The following ITGA1 variants were observed in gnomAD, a reference collection of about 807,000 sequenced individuals.
ITGA1 encodes the protein integrin subunit alpha 1.
A neutral mutation model predicts 145.9 loss-of-function variants in ITGA1; 85 were observed. The ratio of observed to expected loss-of-function variants is 0.58; its 90% CI spans 0.49 to 0.70. ITGA1 has a LOEUF of 0.70. Ranked by LOEUF, ITGA1 falls within the 30% of genes least tolerant of loss-of-function variation. The pLI is 0.00. For synonymous variants in ITGA1, 520 were observed against 495.3 expected, an observed-to-expected ratio of 1.05 and a Z score of -0.66; for missense variants, 1,351 against 1,418.7, an observed-to-expected ratio of 0.95 and a Z score of 0.77.
intron 1 of ITGA1, among the ~76,000 whole-genome samples, chr5:52,825,875 G>A (rs1013435794): frequency 2.0e-5 from 3 of 150,106 alleles, no homozygotes; most frequent in South Asian, 4.2e-4. Flanking sequence ...CTGAGATCAT[G>A]CTACTGCACT....
chr5:52,813,596 C>A (rs1748717136), intron 1 of ITGA1, among the ~76,000 whole-genome samples: 1 of 152,162 alleles, frequency 6.6e-6, no homozygotes, highest in Non-Finnish European at 1.5e-5. Flanking sequence ...ATGGAATAGC[C>A]ACCCCCAGAC....
chr5:52,848,586 T>G (rs561023787), intron 1 of ITGA1, among the ~76,000 whole-genome samples: 1 of 152,192 alleles, frequency 6.6e-6, no homozygotes, highest in Non-Finnish European at 1.5e-5. Flanking sequence ...TATTATTATT[T>G]TTTTATTACA....
chr5:52,955,314 C>G lies in ITGA1; in HGVS notation c.*2863C>G, dbSNP rs912521385. 1.3e-5 allele frequency: 2 copies of G among 151,888 alleles called. No homozygotes were observed. The highest frequency in any genetic ancestry group is 2.4e-5 in the African/African-American group (1 of 41,288). The allele number at this position is 151,888 out of a possible 1,614,324, so 9.4% of individuals were successfully genotyped here. A position where few individuals can be genotyped will look rare whatever the true frequency, so the allele number is the denominator to read the frequency against. ...CTTACCAACCAGTGTGAGCTGACTTCAGCACACCACTGAGACAGATTACAC... is the reference window on the plus strand; with the variant it reads ...CTTACCAACCAGTGTGAGCTGACTTGAGCACACCACTGAGACAGATTACAC... On this transcript the variant is annotated 3_prime_UTR_variant, in exon 29 of 29. Transcript: ENST00000282588.
At chr5:52,889,489 C>A (rs1750109273) in intron 8 of ITGA1, among the ~76,000 whole-genome samples, 1 of 152,202 alleles carries the variant, frequency 6.6e-6, no homozygotes, top group Non-Finnish European at 1.5e-5. Flanking sequence ...TCTTTTCTAA[C>A]TTTCTATAAG....
In ITGA1 at chr5:52,794,098, A is replaced by T. The variant is rs554381691; in HGVS notation, c.61+5684A>T. 2.6e-5 allele frequency among the ~76,000 whole-genome samples: 4 copies of T among 152,132 alleles called. No individual in the cohort carries two copies. The East Asian group carries it at 7.7e-4, about 29-fold the overall frequency. On this transcript the variant is annotated intron_variant, in intron 1 of 28. Transcript: ENST00000282588. ...TGTTAAAAAAAATCAATTTTATCCA[A>T]ACAGGAGATCCCTATTAACAAGATA...
At chr5:52,917,882 C>CT (rs888249147) in intron 15 of ITGA1, among the ~76,000 whole-genome samples, 1 of 152,062 alleles carries the variant, frequency 6.6e-6, no homozygotes, top group Non-Finnish European at 1.5e-5. Flanking sequence ...AGAAAACCAC[C>CT]TTTTTTTAAT....
intron 3 of ITGA1, among the ~76,000 whole-genome samples, chr5:52,863,530 C>A (rs966092124): frequency 6.6e-6 from 1 of 152,118 alleles, no homozygotes; most frequent in African/African-American, 2.4e-5. Flanking sequence ...GCACAAAACT[C>A]ATTTAGTGCC....
chr5:52,827,085 A>G lies in ITGA1; in HGVS notation c.62-22280A>G, dbSNP rs970676316. Among the ~76,000 whole-genome samples the G allele has an allele frequency of 2.1e-5, 3 of 140,884 alleles. No individual in the cohort carries two copies. In the East Asian group the frequency reaches 6.5e-4, roughly 31 times the overall value. 92.4% of individuals were successfully genotyped at this position (140,884 alleles called of 152,430 possible). A position where few individuals can be genotyped will look rare whatever the true frequency, so the allele number is the denominator to read the frequency against. On this transcript the variant is annotated intron_variant, in intron 1 of 28. Coordinates refer to ENST00000282588, the MANE Select transcript of ITGA1 (RefSeq NM_181501.2). ...GGATTTACCATTATAGATGCCATTA[A>G]GAACTTTTTTTTTTTTTTTTTTTTG...
intron 1 of ITGA1, among the ~76,000 whole-genome samples, chr5:52,835,842 A>T (rs1337298698): frequency 6.6e-6 from 1 of 152,222 alleles, no homozygotes; most frequent in Non-Finnish European, 1.5e-5. Flanking sequence ...GTGAGAAATG[A>T]TTGATGTTAG....
chr5:52,847,941 A>G (rs1749364437), intron 1 of ITGA1, among the ~76,000 whole-genome samples: 1 of 152,242 alleles, frequency 6.6e-6, no homozygotes, highest in Admixed American at 6.5e-5. Context: ...ATTTGGCACC[A>G]TCCATTTGAG....
intron 8 of ITGA1, 60 bp from the exon 9 acceptor site, chr5:52,893,615 G>C (rs1310368746): frequency 2.7e-6 from 4 of 1,463,206 alleles, no homozygotes; most frequent in Non-Finnish European, 3.7e-6. Context: ...AAATGCTTGA[G>C]ATCCTTTATT....
chr5:52,953,655 A>C lies in ITGA1; in HGVS notation c.*1204A>C, dbSNP rs1183269270. ...AAACTCAAACCAACAGGAAGATATCACACCTTTGTATGTGCTTCTTTGTTC... is the reference window on the plus strand; with the variant it reads ...AAACTCAAACCAACAGGAAGATATCCCACCTTTGTATGTGCTTCTTTGTTC... On this transcript the variant is annotated 3_prime_UTR_variant, in exon 29 of 29. Transcript: ENST00000282588. 6.6e-6 allele frequency: 1 copy of C among 152,210 alleles called. No homozygotes were observed. Among genetic ancestry groups the C allele is most frequent in the East Asian group, 1.9e-4 (1 of 5,196 alleles). The allele number at this position is 152,210 out of a possible 1,614,324, so 9.4% of individuals were successfully genotyped here.
intron 1 of ITGA1, chr5:52,804,042 T>C (rs2111672034): frequency 6.6e-6 from 1 of 152,294 alleles, no homozygotes; most frequent in East Asian, 1.9e-4. Flanking sequence ...TTTTAAGAAA[T>C]TACATTTTCT....
At chr5:52,943,803 A>G (rs1751087601) in intron 26 of ITGA1, among the ~76,000 whole-genome samples, 1 of 152,178 alleles carries the variant, frequency 6.6e-6, no homozygotes. Context: ...AGTGCCAGCC[A>G]TAGATCTCAG....
chr5:52,801,624 C>T, intron 1 of ITGA1: 2 of 1,612,674 alleles, frequency 1.2e-6, no homozygotes, highest in Non-Finnish European at 1.7e-6. Context: ...TGCTCATCAG[C>T]GATGAGCTCT....
intron 13 of ITGA1, 143 bp downstream of exon 13, chr5:52,909,184 G>GT: frequency 4.0e-6 from 3 of 757,780 alleles, no homozygotes; most frequent in Non-Finnish European, 2.1e-6. Flanking sequence ...CAACCCCTCA[G>GT]TTTTGAAATG....
chr5:52,905,652 A>C, intron 11 of ITGA1, 111 bp from the exon 12 acceptor site: 2 of 910,380 alleles, frequency 2.2e-6, no homozygotes, highest in Admixed American at 2.8e-5. Context: ...TATTATTTTC[A>C]AAATATAACC....
intron 28 of ITGA1, among the ~76,000 whole-genome samples, chr5:52,952,204 GA>G (rs11420959): frequency 2.7e-5 from 4 of 147,694 alleles, no homozygotes; most frequent in Non-Finnish European, 4.5e-5. Context: ...AAAAAGAAAA[GA>G]AAAAAAAAGA....
rs1467508666 is a variant in ITGA1, at chr5:52,957,377, C to G, written c.*4926C>G. On this transcript the variant is annotated 3_prime_UTR_variant, in exon 29 of 29. Coordinates refer to ENST00000282588, the MANE Select transcript of ITGA1 (RefSeq NM_181501.2). The stretch of plus-strand genomic sequence containing the variant: ...GGGAATGCTTCTCATTGAAATTTTA[C>G]CATACCAAAAAATATGTAAGGGTGA... 1 of 152,180 alleles carries G rather than the reference C, an allele frequency of 6.6e-6. No individual in the cohort carries two copies. Among genetic ancestry groups the G allele is most frequent in the African/African-American group, 2.4e-5 (1 of 41,436 alleles). The allele number at this position is 152,180 out of a possible 1,614,324, so 9.4% of individuals were successfully genotyped here.
Sources: allele counts gnomAD v4.1 joint callset (sites outside exome capture counted in the v4.1 genomes callset), GRCh38; gene constraint gnomAD v4.1.1; transcripts MANE v1.5; gene names NCBI Gene and HGNC (gene_info 2026-07-23, HGNC 2026-07-21).